The following ITCH variants were observed in gnomAD, a reference collection of about 807,000 sequenced individuals.
ITCH encodes E3 ubiquitin-protein ligase Itchy homolog.
A neutral mutation model predicts 126.8 loss-of-function variants in ITCH; 28 were observed. The observed-to-expected ratio is 0.22, with a 90% CI of 0.16 to 0.30. The LOEUF is 0.30. ITCH is among the 10% of genes least tolerant of loss of function. ITCH has a pLI of 1.00. For missense variants in ITCH, 631 were observed against 1,032.4 expected, an observed-to-expected ratio of 0.61 and a Z score of 5.33; for synonymous variants, 342 against 340.0, an observed-to-expected ratio of 1.01 and a Z score of -0.06.
intron 3 of ITCH, among the ~76,000 whole-genome samples, chr20:34,394,139 G>A (rs1369840512): frequency 6.7e-6 from 1 of 149,372 alleles, no homozygotes; most frequent in Non-Finnish European, 1.5e-5. Context: ...TTGACTTTGG[G>A]AGGTAGAGGT....
intron 7 of ITCH, among the ~76,000 whole-genome samples, chr20:34,426,774 G>GT (rs796792279): frequency 0.017 from 2,293 of 134,568 alleles, 21 homozygotes; most frequent in African/African-American, 0.031. Flanking sequence ...AAGTTTTTTG[G>GT]TTTTTTTTTT....
intron 2 of ITCH, among the ~76,000 whole-genome samples, chr20:34,375,043 ATT>A (rs761979154): frequency 9.5e-5 from 9 of 95,084 alleles, no homozygotes; most frequent in Admixed American, 1.1e-4. Context: ...GCCTGGCGTG[ATT>A]TTTTTTTTTT....
chr20:34,384,254 G>C (rs1030756671), intron 2 of ITCH: 1 of 141,844 alleles, frequency 7.1e-6, no homozygotes, highest in African/African-American at 2.6e-5. Context: ...CAGTGCAGCA[G>C]TTGGACCAGC....
At chr20:34,381,672 C>T (rs1217571736) in intron 2 of ITCH, among the ~76,000 whole-genome samples, 1 of 151,976 alleles carries the variant, frequency 6.6e-6, no homozygotes, top group East Asian at 1.9e-4. Context: ...GTGATCCGCC[C>T]TCCTTGGCCT....
At position 34,484,026 on chromosome 20, in the gene ITCH, T is replaced by G. The variant is rs1467716867; in HGVS notation, c.2093+2820T>G. Among the ~76,000 whole-genome samples the G allele has an allele frequency of 3.3e-5, 5 of 152,178 alleles. No homozygotes were observed. In the East Asian group the frequency reaches 9.6e-4, roughly 29 times the overall value. ...ATCTTGTGAGACTTATTCACTATAA[T>G]GAGAACAACATGAGAAAGGCCCGCC... On this transcript the variant is annotated intron_variant, in intron 20 of 24. Transcript: ENST00000374864.
intron 3 of ITCH, among the ~76,000 whole-genome samples, chr20:34,401,197 T>A (rs1044670987): frequency 2.6e-5 from 4 of 152,190 alleles, no homozygotes; most frequent in Non-Finnish European, 5.9e-5. Flanking sequence ...TCTTATGTCC[T>A]TCCCTGTCTT....
At chr20:34,439,475 A>G (rs76938278) in intron 8 of ITCH, among the ~76,000 whole-genome samples, 1 of 152,262 alleles carries the variant, frequency 6.6e-6, no homozygotes, top group Admixed American at 6.5e-5. Context: ...GAGTTTTGCC[A>G]TGTTGCGCAG....
At chr20:34,504,455 A>T in intron 24 of ITCH, 52 bp downstream of exon 24, 1 of 1,107,716 alleles carries the variant, frequency 9.0e-7, no homozygotes, top group South Asian at 1.2e-5. Flanking sequence ...AGTTATCTGT[A>T]GCTATTTAAA....
At chr20:34,406,118 CT>C (rs924682611) in intron 3 of ITCH, among the ~76,000 whole-genome samples, 34 of 151,762 alleles carry the variant, frequency 2.2e-4, no homozygotes, top group African/African-American at 7.5e-4. Flanking sequence ...ACCTCCCAGG[CT>C]TAAGCGATCC....
intron 10 of ITCH, among the ~76,000 whole-genome samples, chr20:34,442,504 C>T (rs769657066): frequency 1.3e-5 from 2 of 152,258 alleles, no homozygotes; most frequent in South Asian, 2.1e-4. Flanking sequence ...TTTGTTTTCA[C>T]GCATATTTCT....
Position 34,496,674 on chromosome 20 carries a change from G to A in ITCH, c.2416+4077G>A, listed in dbSNP as rs572823539. ...AAAAATTAGCTGGGCGTGGTGGCGC[G>A]TGCCTGTCATCCCAACTACTCAGGA... On this transcript the variant is annotated intron_variant, in intron 23 of 24. Coordinates refer to ENST00000374864, the MANE Select transcript of ITCH (RefSeq NM_031483.7). Among the ~76,000 whole-genome samples, 20 of 151,844 alleles carry A rather than the reference G, an allele frequency of 1.3e-4. No homozygotes were observed. In the South Asian group the frequency reaches 2.3e-3, roughly 17 times the overall value.
intron 7 of ITCH, among the ~76,000 whole-genome samples, chr20:34,435,332 C>T (rs1169504434): frequency 6.6e-6 from 1 of 152,080 alleles, no homozygotes; most frequent in East Asian, 1.9e-4. Flanking sequence ...CCATACCCAG[C>T]TAATTTTTGT....
At chr20:34,502,940 A>G (rs1990353527) in intron 23 of ITCH, among the ~76,000 whole-genome samples, 1 of 152,278 alleles carries the variant, frequency 6.6e-6, no homozygotes, top group African/African-American at 2.4e-5. Context: ...TGAACCCAGG[A>G]GGCGGAGGTT....
At chr20:34,383,088 C>T (rs534734900) in intron 2 of ITCH, among the ~76,000 whole-genome samples, 185 of 152,020 alleles carry the variant, frequency 1.2e-3, no homozygotes, top group Non-Finnish European at 1.7e-3. Flanking sequence ...GTTGCTCAGC[C>T]GGGAATGCAG....
At chr20:34,377,201 C>T (rs1056422459) in intron 2 of ITCH, among the ~76,000 whole-genome samples, 6 of 151,972 alleles carry the variant, frequency 3.9e-5, no homozygotes, top group Admixed American at 1.3e-4. Context: ...GGCGAAACCT[C>T]GTGTCTACTA....
chr20:34,466,334 A>C (rs772894406), intron 14 of ITCH: 1 of 526,868 alleles, frequency 1.9e-6, no homozygotes, highest in East Asian at 5.5e-5. Flanking sequence ...ATTTTTTTTT[A>C]GTATTTTTCC....
chr20:34,462,268 C>G, intron 14 of ITCH, 47 bp downstream of exon 14: 1 of 1,578,860 alleles, frequency 6.3e-7, no homozygotes, highest in Non-Finnish European at 8.7e-7. Flanking sequence ...ACTAGTCCTT[C>G]AGATTTTGAT....
rs961105877 is a variant in ITCH, at chr20:34,510,977, G to T, written c.*3183G>T. ...CCACTCTACCACTTTTTACTTATCT[G>T]GTTAATAATCCGAAATGTTACCGGG... On this transcript the variant is annotated 3_prime_UTR_variant, in exon 25 of 25. Transcript: ENST00000374864. 1 of 152,084 alleles carries T rather than the reference G, an allele frequency of 6.6e-6. No individual in the cohort carries two copies. The highest frequency in any genetic ancestry group is 1.5e-5 in the Non-Finnish European group (1 of 68,018). The allele number at this position is 152,084 out of a possible 1,614,324, so 9.4% of individuals were successfully genotyped here.
chr20:34,423,840 T>C (rs1396448718), intron 6 of ITCH, among the ~76,000 whole-genome samples: 2 of 152,196 alleles, frequency 1.3e-5, no homozygotes, highest in African/African-American at 4.8e-5. Context: ...TGACCTGAGG[T>C]GATTCGCCCA....
Sources: allele counts gnomAD v4.1 joint callset (sites outside exome capture counted in the v4.1 genomes callset), GRCh38; gene constraint gnomAD v4.1.1; transcripts MANE v1.5; gene names NCBI Gene and HGNC (gene_info 2026-07-23, HGNC 2026-07-21).